The following TPTE variants were observed in gnomAD, a reference collection of about 807,000 sequenced individuals.
TPTE encodes the protein putative tyrosine-protein phosphatase TPTE.
In TPTE, 59 loss-of-function variants were observed where a neutral mutation model predicts 84.1. That is an observed-to-expected ratio of 0.70 (90% CI 0.57 to 0.87). The LOEUF (loss-of-function observed/expected upper bound fraction) is 0.87, where lower values mean the gene tolerates loss of function less well. TPTE is among the 40% of genes least tolerant of loss of function. TPTE has a pLI of 0.00. For synonymous variants in TPTE, 130 were observed against 223.5 expected, an observed-to-expected ratio of 0.58 and a Z score of 3.73; for missense variants, 382 against 659.6, an observed-to-expected ratio of 0.58 and a Z score of 4.61.
At chr21:10,599,945 C>A (rs1338502979) in intron 21 of TPTE, among the ~76,000 whole-genome samples, 1 of 152,306 alleles carries the variant, frequency 6.6e-6, no homozygotes, top group African/African-American at 2.4e-5. Context: ...GCAGCCTCAA[C>A]CTCCTGAGCT....
At chr21:10,579,151 T>C (rs1396659139) in intron 17 of TPTE, among the ~76,000 whole-genome samples, 2 of 152,302 alleles carry the variant, frequency 1.3e-5, no homozygotes, top group Non-Finnish European at 2.9e-5. Context: ...TACATTATTA[T>C]TAACTGTGGT....
At chr21:10,567,020 TG>T (rs2074935219) in intron 10 of TPTE, among the ~76,000 whole-genome samples, 1 of 150,956 alleles carries the variant, frequency 6.6e-6, no homozygotes, top group South Asian at 2.1e-4. Flanking sequence ...ACAACATGGA[TG>T]GAACTGGAGA....
intron 7 of TPTE, among the ~76,000 whole-genome samples, chr21:10,552,101 T>C (rs2074586336): frequency 6.6e-6 from 1 of 152,306 alleles, no homozygotes. Flanking sequence ...GGCAACGCCC[T>C]CCACCAGCAA....
At chr21:10,597,412 C>CTTTTTTTTTTTT (rs146272836) in intron 20 of TPTE, among the ~76,000 whole-genome samples, 1 of 139,900 alleles carries the variant, frequency 7.1e-6, no homozygotes, top group Non-Finnish European at 1.6e-5. Context: ...TTTCTTTTTT[C>CTTTTTTTTTTTT]TTTTTTTTTT....
chr21:10,547,182 C>T (rs1287689756), intron 7 of TPTE, among the ~76,000 whole-genome samples: 2 of 152,306 alleles, frequency 1.3e-5, no homozygotes, highest in East Asian at 1.9e-4. Context: ...CTAAATCAAG[C>T]AAGATGGGTG....
intron 10 of TPTE, among the ~76,000 whole-genome samples, chr21:10,562,871 C>T (rs1316091906): frequency 3.3e-5 from 5 of 152,294 alleles, no homozygotes; most frequent in Admixed American, 3.3e-4. Flanking sequence ...CATCCCAAAC[C>T]TACAGAAAGA....
At chr21:10,549,867 T>TTAG (rs147512823) in intron 7 of TPTE, among the ~76,000 whole-genome samples, 2 of 152,426 alleles carry the variant, frequency 1.3e-5, no homozygotes, top group African/African-American at 4.8e-5. Flanking sequence ...AACCCAGACA[T>TTAG]TATAGTCAAA....
chr21:10,525,563 G>A (rs1478734213), intron 2 of TPTE, among the ~76,000 whole-genome samples: 2 of 152,310 alleles, frequency 1.3e-5, no homozygotes, highest in East Asian at 3.8e-4. Context: ...GGCAGATTTG[G>A]TCGGAGACCT....
intron 14 of TPTE, among the ~76,000 whole-genome samples, chr21:10,575,636 C>T (rs548266386): frequency 8.0e-4 from 121 of 152,196 alleles, no homozygotes; most frequent in Non-Finnish European, 1.5e-3. Flanking sequence ...CAGTATCCCC[C>T]TGGGATGGAG....
intron 7 of TPTE, among the ~76,000 whole-genome samples, chr21:10,552,412 G>A (rs899048535): frequency 6.6e-6 from 1 of 152,296 alleles, no homozygotes; most frequent in Non-Finnish European, 1.5e-5. Context: ...TATATAGAAA[G>A]AGACAGAGAG....
intron 3 of TPTE, among the ~76,000 whole-genome samples, chr21:10,533,165 G>A (rs1343130183): frequency 6.6e-6 from 1 of 152,286 alleles, no homozygotes; most frequent in Non-Finnish European, 1.5e-5. Flanking sequence ...TATTTTCTGG[G>A]TAAGTTTCTC....
intron 8 of TPTE, among the ~76,000 whole-genome samples, chr21:10,558,062 T>C (rs2074717768): frequency 6.6e-6 from 1 of 152,312 alleles, no homozygotes. Flanking sequence ...GCTCCATTGA[T>C]GTTCCCACAA....
intron 3 of TPTE, among the ~76,000 whole-genome samples, chr21:10,532,067 C>A (rs943741429): frequency 1.3e-5 from 2 of 152,300 alleles, no homozygotes; most frequent in Non-Finnish European, 2.9e-5. Context: ...ATTAATGGAG[C>A]CTTTATATGT....
intron 7 of TPTE, among the ~76,000 whole-genome samples, chr21:10,549,381 C>T (rs1293378651): frequency 6.6e-6 from 1 of 152,302 alleles, no homozygotes; most frequent in Non-Finnish European, 1.5e-5. Context: ...TAATCATAAA[C>T]ATATGATGTG....
intron 20 of TPTE, among the ~76,000 whole-genome samples, chr21:10,596,606 G>A (rs2075593928): frequency 6.6e-6 from 1 of 152,292 alleles, no homozygotes; most frequent in Admixed American, 6.5e-5. Flanking sequence ...CTTACACTCA[G>A]GGGAGGTGGG....
chr21:10,574,588 A>G (rs1312709632), intron 14 of TPTE, among the ~76,000 whole-genome samples: 1 of 152,430 alleles, frequency 6.6e-6, no homozygotes, highest in South Asian at 2.1e-4. Context: ...TTCAACTGAG[A>G]TAACCAGGTT....
At chr21:10,532,335 T>C (rs2074192609) in intron 3 of TPTE, among the ~76,000 whole-genome samples, 1 of 152,308 alleles carries the variant, frequency 6.6e-6, no homozygotes, top group South Asian at 2.1e-4. Context: ...TAAAAAAATT[T>C]AGTTGTGTTC....
At chr21:10,549,697 A>G (rs1268330670) in intron 7 of TPTE, among the ~76,000 whole-genome samples, 1 of 152,310 alleles carries the variant, frequency 6.6e-6, no homozygotes, top group Non-Finnish European at 1.5e-5. Flanking sequence ...ATGGGACACC[A>G]TTAATTTGGT....
intron 8 of TPTE, among the ~76,000 whole-genome samples, chr21:10,555,342 G>T (rs1421720682): frequency 2.0e-5 from 3 of 152,422 alleles, no homozygotes; most frequent in African/African-American, 7.2e-5. Flanking sequence ...GAGTAGCTGG[G>T]ACTACAGGCA....
Sources: gnomAD v4.1 joint callset for allele counts (sites outside exome capture counted in the v4.1 genomes callset) on GRCh38, gnomAD v4.1.1 for gene constraint, MANE v1.5 for transcripts, NCBI Gene and HGNC (gene_info 2026-07-23, HGNC 2026-07-21) for gene names.